ST6GALNAC2: variants seen among roughly 807,000 people sequenced by gnomAD.
ST6GALNAC2 encodes alpha-N-acetylgalactosaminide alpha-2,6-sialyltransferase 2.
Under a neutral mutation model 38.7 loss-of-function variants are expected in ST6GALNAC2, and 42 were observed. That is an observed-to-expected ratio of 1.09 (90% CI 0.85 to 1.40). The LOEUF (loss-of-function observed/expected upper bound fraction) is 1.40, where lower values mean the gene tolerates loss of function less well. Ranked by LOEUF, ST6GALNAC2 falls within the 40% of genes most tolerant of loss-of-function variation. The pLI is 0.00. For synonymous variants in ST6GALNAC2, 233 were observed against 209.0 expected, an observed-to-expected ratio of 1.11 and a Z score of -0.99; for missense variants, 506 against 481.7, an observed-to-expected ratio of 1.05 and a Z score of -0.47.
At chr17:76,574,313 A>G (rs2143303103) in intron 3 of ST6GALNAC2, 52 bp downstream of exon 3, 4 of 1,578,312 alleles carry the variant, frequency 2.5e-6, no homozygotes, top group Non-Finnish European at 3.5e-6. Context: ...TTCAGGGCAA[A>G]GAGCAGGAAG....
At chr17:76,579,357 G>A (rs1350354899) in intron 1 of ST6GALNAC2, among the ~76,000 whole-genome samples, 1 of 152,258 alleles carries the variant, frequency 6.6e-6, no homozygotes, top group Non-Finnish European at 1.5e-5. Context: ...TATAGGAACA[G>A]TGAGATGGTG....
chr17:76,583,395 T>C (rs1161957994), intron 1 of ST6GALNAC2, among the ~76,000 whole-genome samples: 2 of 58,580 alleles, frequency 3.4e-5, no homozygotes, highest in Non-Finnish European at 7.7e-5. Flanking sequence ...AAGAAGATAA[T>C]GTATTACTTG....
rs1395999183 is a variant in ST6GALNAC2 at position 76,566,153 on chromosome 17, A to C, written c.1076T>G (p.Leu359Arg). 1 of 1,614,156 alleles carries C rather than the reference A, an allele frequency of 6.2e-7. No homozygotes were observed. The highest frequency in any genetic ancestry group is 1.7e-5 in the Admixed American group (1 of 60,026). The change falls in exon 9 of 9, where the codon CTG becomes CGG. Residue 359 changes from leucine (L) to arginine (R), a missense_variant. Leu to Arg is a moderately radical substitution (Grantham distance 102). Transcript: ENST00000225276. ...GCCGGCCTTGTGCAGGTCCCTCCAC[A>C]GGGCAGCTTCCAGGGACAGATCGTG... ...ANHDLSLEAA[L>R]WRDLHKAGIL...
intron 1 of ST6GALNAC2, among the ~76,000 whole-genome samples, chr17:76,585,237 G>A (rs2075531418): frequency 6.6e-6 from 1 of 150,618 alleles, no homozygotes. Context: ...GCGGCCCGAC[G>A]GAGGGTCCCC....
chr17:76,577,391 C>T (rs1034139712), intron 2 of ST6GALNAC2, among the ~76,000 whole-genome samples: 57 of 151,834 alleles, frequency 3.8e-4, no homozygotes, highest in South Asian at 8.4e-4. Context: ...TTATATGTGT[C>T]CAAAAGCCAC....
At position 76,567,499 on chromosome 17, in the gene ST6GALNAC2, C is replaced by G; in HGVS notation, c.911G>C (p.Ser304Thr). Residue 304 changes from serine to threonine, a missense_variant, in exon 8 of 9, where the codon AGT (serine) becomes ACT (threonine). Ser to Thr is a moderately conservative substitution (Grantham distance 58, BLOSUM62 1). Coordinates refer to ENST00000225276, the MANE Select transcript of ST6GALNAC2 (RefSeq NM_006456.3). Reference protein sequence around the residue: ...NTHFGDLYMPSTGALMLLTAL... With the variant: ...NTHFGDLYMPTTGALMLLTAL... The stretch of plus-strand genomic sequence containing the variant: ...TGTCAGCAGCATGAGAGCCCCGGTA[C>G]TAGGCATATATAGGTCTCCAAAATG... The G allele has an allele frequency of 1.9e-6, 3 of 1,614,010 alleles. No individual in the cohort carries two copies. The highest frequency in any genetic ancestry group is 2.5e-6 in the Non-Finnish European group (3 of 1,180,016).
chr17:76,572,985 C>G (rs985067829), intron 4 of ST6GALNAC2, among the ~76,000 whole-genome samples: 1 of 152,190 alleles, frequency 6.6e-6, no homozygotes, highest in Non-Finnish European at 1.5e-5. Flanking sequence ...CTGGCCCTGG[C>G]GGCTGCTTCC....
chr17:76,585,615 T>C, intron 1 of ST6GALNAC2, 69 bp downstream of exon 1: 1 of 1,431,924 alleles, frequency 7.0e-7, no homozygotes. Context: ...CGGGGAGCCC[T>C]GGGCTGGGGA....
intron 2 of ST6GALNAC2, among the ~76,000 whole-genome samples, chr17:76,577,452 A>T (rs2075430150): frequency 1.3e-5 from 2 of 152,140 alleles, no homozygotes; most frequent in South Asian, 4.1e-4. Context: ...GTTAGCAATG[A>T]ACAGCTCAAG....
rs754619753 is a variant in ST6GALNAC2, at chr17:76,572,709, G to T, written c.597C>A (p.Phe199Leu). 2 of 1,614,178 alleles carry T rather than the reference G, an allele frequency of 1.2e-6. No homozygotes were observed. Among genetic ancestry groups the T allele is most frequent in the Admixed American group, 3.3e-5 (2 of 60,028 alleles). Residue 199 changes from phenylalanine (F) to leucine (L), a missense_variant, in exon 5 of 9, where the codon TTC becomes TTA. Transcript: ENST00000225276. ...GGGAGTTCTTCATCGTGTTCACAGTGAAACCATAGAAGGAAGTCTTGGTGC... is the reference window on the plus strand; with the variant it reads ...GGGAGTTCTTCATCGTGTTCACAGTTAAACCATAGAAGGAAGTCTTGGTGC... ...DVGTKTSFYGFTVNTMKNSLV... is the reference protein window; with the variant it reads ...DVGTKTSFYGLTVNTMKNSLV...
chr17:76,566,400 C>G, intron 8 of ST6GALNAC2, 129 bp from the exon 9 acceptor site: 1 of 980,624 alleles, frequency 1.0e-6, no homozygotes, highest in South Asian at 1.5e-5. Flanking sequence ...GGGCTTATTC[C>G]CACTTAGCAA....
In ST6GALNAC2 at chr17:76,577,351, G is replaced by A. The variant is rs149613570; in HGVS notation, c.186+1405C>T. ...CCAAAAGTGCTGGGATTACAGGCAT[G>A]AGCCACTGCGCCTGGCCGTTTTTGT... On this transcript the variant is annotated intron_variant, in intron 2 of 8. Transcript: ENST00000225276. Among the ~76,000 whole-genome samples, 490 of 152,054 alleles carry A rather than the reference G, an allele frequency of 3.2e-3. 3 individuals are homozygous for A. The highest frequency in any genetic ancestry group is 0.011 in the African/African-American group (462 of 41,482).
rs924722828 is a variant in ST6GALNAC2 at position 76,565,914 on chromosome 17, A to C, written c.*190T>G. On this transcript the variant is annotated 3_prime_UTR_variant, in exon 9 of 9. Coordinates refer to ENST00000225276, the MANE Select transcript of ST6GALNAC2 (RefSeq NM_006456.3). ...AGATGTATTGTTTTAGATACAGAAG[A>C]GTTCTTGGATGAGCCAAGGACAAGC... 2 of 577,948 alleles carry C rather than the reference A, an allele frequency of 3.5e-6. No homozygotes were observed. Among genetic ancestry groups the C allele is most frequent in the Non-Finnish European group, 6.0e-6 (2 of 334,304 alleles). 35.8% of individuals were successfully genotyped at this position (577,948 alleles called of 1,614,324 possible).
chr17:76,580,375 A>G (rs1253182493), intron 1 of ST6GALNAC2, among the ~76,000 whole-genome samples: 1 of 152,056 alleles, frequency 6.6e-6, no homozygotes, highest in Non-Finnish European at 1.5e-5. Context: ...CTGAGATCAC[A>G]CCACTGCATT....
rs528278950 is a variant in ST6GALNAC2 at position 76,573,655 on chromosome 17, C to T, written c.362-292G>A. Among the ~76,000 whole-genome samples, 26 of 152,248 alleles carry T rather than the reference C, an allele frequency of 1.7e-4. No individual in the cohort carries two copies. Among genetic ancestry groups the T allele is most frequent in the African/African-American group, 3.9e-4 (16 of 41,534 alleles). Reference sequence around the variant, plus strand: ...GGCTTAAAAAAGACTGGGCTGGGCACGGTGGCTCACACCTGTAATACCAGA... The same window carrying T: ...GGCTTAAAAAAGACTGGGCTGGGCATGGTGGCTCACACCTGTAATACCAGA... On this transcript the variant is annotated intron_variant, in intron 3 of 8. Transcript: ENST00000225276. The surrounding 1 kb of genome is among the most constrained non-coding windows in gnomAD (Gnocchi z 5.1).
At chr17:76,568,337 T>A in intron 7 of ST6GALNAC2, 1 of 251,424 alleles carries the variant, frequency 4.0e-6, no homozygotes, top group East Asian at 9.6e-5. Context: ...TTGAGGCTGG[T>A]CCCCGGGTTC....
chr17:76,582,830 C>T (rs1019299818), intron 1 of ST6GALNAC2, among the ~76,000 whole-genome samples: 23 of 152,186 alleles, frequency 1.5e-4, no homozygotes, highest in Non-Finnish European at 1.5e-5. Context: ...CTCCCACTCT[C>T]TCCCAGACTA....
At chr17:76,574,149 C>T (rs949544258) in intron 3 of ST6GALNAC2, among the ~76,000 whole-genome samples, 11 of 152,162 alleles carry the variant, frequency 7.2e-5, no homozygotes, top group Non-Finnish European at 7.4e-5. Context: ...GGCCCACTGG[C>T]GGGGGCAGCC....
chr17:76,573,147 T>G lies in ST6GALNAC2; in HGVS notation c.530+48A>C. On this transcript the variant is annotated intron_variant, in intron 4 of 8. Transcript: ENST00000225276. This position sits in a 1 kb window ranked among gnomAD's most constrained non-coding sequence, Gnocchi z 5.1. ...GCCCCTGGGGGAGACACCCCCACCC[T>G]CCAGGCAACTCTCCCTCCCGCCCCT... is the stretch of plus-strand genomic sequence containing the variant. 4 of 1,491,272 alleles carry G rather than the reference T, an allele frequency of 2.7e-6. No homozygotes were observed. The highest frequency in any genetic ancestry group is 3.7e-6 in the Non-Finnish European group (4 of 1,092,426). The allele number at this position is 1,491,272 out of a possible 1,614,324, so 92.4% of individuals were successfully genotyped here. A position where few individuals can be genotyped will look rare whatever the true frequency, so the allele number is the denominator to read the frequency against.
Sources: allele counts gnomAD v4.1 joint callset (sites outside exome capture counted in the v4.1 genomes callset), GRCh38; gene constraint gnomAD v4.1.1; non-coding constraint Gnocchi (gnomAD v3.1); transcripts MANE v1.5; gene names NCBI Gene and HGNC (gene_info 2026-07-23, HGNC 2026-07-21).